MEIS2: variants seen among roughly 807,000 people sequenced by gnomAD.
The protein encoded by MEIS2 is Meis homeobox 2, also known as homeobox protein Meis2.
MEIS2 carries 9 observed loss-of-function variants against 58.6 expected under a neutral mutation model. The observed-to-expected ratio is 0.15, with a 90% confidence interval of 0.09 to 0.27. The LOEUF (loss-of-function observed/expected upper bound fraction) is 0.27. MEIS2 is among the 10% of genes least tolerant of loss of function. MEIS2 has a pLI of 1.00. For missense variants in MEIS2, 427 were observed against 635.0 expected (o/e 0.67, Z 3.52); for synonymous variants, 221 against 228.4 (o/e 0.97, Z 0.29).
At chr15:36,903,020 A>G (rs551022068) in intron 9 of MEIS2, among the ~76,000 whole-genome samples, 5 of 152,304 alleles carry the variant, frequency 3.3e-5, no homozygotes, top group Admixed American at 3.3e-4. Flanking sequence ...AAGGAGATCA[A>G]GAAAATTTGT....
At chr15:37,075,237 TC>T (rs1269248937) in intron 7 of MEIS2, among the ~76,000 whole-genome samples, 3 of 151,992 alleles carry the variant, frequency 2.0e-5, no homozygotes, top group Non-Finnish European at 2.9e-5. Context: ...AAATTGCATC[TC>T]CAAATTCTGA....
At chr15:37,014,459 T>C (rs945221302) in intron 8 of MEIS2, among the ~76,000 whole-genome samples, 6 of 152,148 alleles carry the variant, frequency 3.9e-5, no homozygotes, top group Non-Finnish European at 5.9e-5. Context: ...GATAAAATAG[T>C]GCCAAGGTTT....
chr15:37,043,205 T>C (rs2141766318), intron 7 of MEIS2, among the ~76,000 whole-genome samples: 1 of 152,322 alleles, frequency 6.6e-6, no homozygotes, highest in South Asian at 2.1e-4. Flanking sequence ...CTAGACCAGG[T>C]TTAATAGTTA....
rs147589403 is a variant in MEIS2 at position 36,937,922 on chromosome 15, A to G, written c.977+12402T>C. The stretch of plus-strand genomic sequence containing the variant: ...TATCCTATGTAAACTTGCAAGAGGA[A>G]AGGCAGGCTTCTTACTTTGCCTACT... On this transcript the variant is annotated intron_variant, in intron 9 of 11. Transcript: ENST00000561208. Among the ~76,000 whole-genome samples, 66 of 152,356 alleles carry G rather than the reference A, an allele frequency of 4.3e-4. 1 individual carries two copies. In the East Asian group the frequency reaches 0.012, roughly 28 times the overall value.
intron 8 of MEIS2, among the ~76,000 whole-genome samples, chr15:36,951,350 G>C (rs1048534866): frequency 9.9e-5 from 15 of 152,028 alleles, no homozygotes; most frequent in African/African-American, 3.6e-4. Context: ...AAACAAAAAA[G>C]TAAACTTTTA....
intron 7 of MEIS2, among the ~76,000 whole-genome samples, chr15:37,038,266 C>G (rs1004438779): frequency 6.6e-6 from 1 of 152,200 alleles, no homozygotes; most frequent in African/African-American, 2.4e-5. Context: ...TACTAGAGAT[C>G]CATCAGCTCA....
At position 37,030,660 on chromosome 15, in the gene MEIS2, A is replaced by ATTT. The variant is rs919949967; in HGVS notation, c.900+6151_900+6153dup. ...CCTGGATATTATTATTATTATTATT[A>ATTT]TTTTTTCTTTGAGACAGGGTCTCAC... On this transcript the variant is annotated intron_variant, in intron 8 of 11. Transcript: ENST00000561208. Among the ~76,000 whole-genome samples the ATTT allele has an allele frequency of 2.7e-4, 41 of 150,526 alleles. No homozygotes were observed. In the South Asian group the frequency reaches 3.4e-3, roughly 12 times the overall value.
chr15:36,889,733 G>A lies in MEIS2; in HGVS notation c.*2440C>T, dbSNP rs1013192969. 5.3e-5 allele frequency: 8 copies of A among 152,144 alleles called. No individual in the cohort carries two copies. The highest frequency in any genetic ancestry group is 1.7e-4 in the African/African-American group (7 of 41,426). 9.4% of individuals were successfully genotyped at this position (152,144 alleles called of 1,614,324 possible). On this transcript the variant is annotated 3_prime_UTR_variant, in exon 12 of 12. Coordinates refer to ENST00000561208, the MANE Select transcript of MEIS2 (RefSeq NM_170675.5). ...AAAAAGGTTCTTTTTCCCACCTGAT[G>A]TGAGAGTTGATTTATAATGGGGAAT...
intron 8 of MEIS2, among the ~76,000 whole-genome samples, chr15:37,003,891 C>A (rs917455765): frequency 9.2e-5 from 14 of 152,166 alleles, no homozygotes; most frequent in Non-Finnish European, 1.8e-4. Flanking sequence ...GCTGTCTCTA[C>A]ACCGGGAAGT....
chr15:37,063,504 A>G (rs1441133050), intron 7 of MEIS2, among the ~76,000 whole-genome samples: 2 of 152,224 alleles, frequency 1.3e-5, no homozygotes, highest in Admixed American at 1.3e-4. Context: ...AGTTTTCCCA[A>G]CTGAAAAACC....
At chr15:36,895,048 A>G (rs2056096871) in intron 11 of MEIS2, 103 bp downstream of exon 11, 1 of 1,052,452 alleles carries the variant, frequency 9.5e-7, no homozygotes, top group Non-Finnish European at 1.4e-6. Context: ...CAGCAGGCAA[A>G]TGTTAAACCC....
intron 8 of MEIS2, among the ~76,000 whole-genome samples, chr15:36,969,361 C>A (rs370055522): frequency 6.6e-6 from 1 of 152,282 alleles, no homozygotes; most frequent in South Asian, 2.1e-4. Context: ...TCCTCTACTG[C>A]ACAAATTTCA....
chr15:36,946,569 G>A, intron 9 of MEIS2, among the ~76,000 whole-genome samples: 1 of 151,798 alleles, frequency 6.6e-6, no homozygotes, highest in East Asian at 1.9e-4. Context: ...ATTCCTATTT[G>A]TAAGCTACTT....
chr15:36,939,203 G>A lies in MEIS2; in HGVS notation c.977+11121C>T, dbSNP rs150381053. ...TCTCACCTCAATAACTGGCTTTCAT[G>A]CATGTTTACTTCTCCAGCCCACTCT... On this transcript the variant is annotated intron_variant, in intron 9 of 11. Coordinates refer to ENST00000561208, the MANE Select transcript of MEIS2 (RefSeq NM_170675.5). Among the ~76,000 whole-genome samples the A allele has an allele frequency of 5.3e-3, 813 of 152,184 alleles. 4 individuals carry two copies. The highest frequency in any genetic ancestry group is 0.016 in the African/African-American group (681 of 41,504).
At chr15:37,093,521 A>AAAGG in intron 6 of MEIS2, 60 bp downstream of exon 6, 1 of 1,580,056 alleles carries the variant, frequency 6.3e-7, no homozygotes. Context: ...TGTTAAAACA[A>AAAGG]GGTTAAAATA....
intron 8 of MEIS2, among the ~76,000 whole-genome samples, chr15:36,986,105 T>C (rs2060084640): frequency 6.6e-6 from 1 of 152,214 alleles, no homozygotes; most frequent in Non-Finnish European, 1.5e-5. Context: ...TGGTTCTTGT[T>C]GACCTAGGTT....
intron 9 of MEIS2, among the ~76,000 whole-genome samples, chr15:36,916,818 C>A (rs2057299464): frequency 6.6e-6 from 1 of 152,144 alleles, no homozygotes; most frequent in Non-Finnish European, 1.5e-5. Context: ...TTGAGCTAGA[C>A]ACTAAACTGA....
intron 8 of MEIS2, among the ~76,000 whole-genome samples, chr15:36,972,088 A>G (rs1168121629): frequency 2.6e-5 from 4 of 152,226 alleles, no homozygotes; most frequent in South Asian, 2.1e-4. Context: ...AACTTTATTG[A>G]AGAAATGAGA....
At chr15:36,894,899 C>A in intron 11 of MEIS2, 1 of 1,145,496 alleles carries the variant, frequency 8.7e-7, no homozygotes. Context: ...GATTCCTTTT[C>A]ACTTATTGCC....
Sources: gnomAD v4.1 joint callset for allele counts (sites outside exome capture counted in the v4.1 genomes callset) on GRCh38, gnomAD v4.1.1 for gene constraint, MANE v1.5 for transcripts, NCBI Gene and HGNC (gene_info 2026-07-23, HGNC 2026-07-21) for gene names.